RAB3IP: variants seen among roughly 807,000 people sequenced by gnomAD.
The protein encoded by RAB3IP is RAB3A interacting protein, also known as rab-3A-interacting protein.
In RAB3IP, 36 loss-of-function variants were observed where a neutral mutation model predicts 59.1. The ratio of observed to expected loss-of-function variants is 0.61; its 90% CI spans 0.47 to 0.80. The LOEUF (loss-of-function observed/expected upper bound fraction) is 0.80. Ranked by LOEUF, RAB3IP falls within the 30% of genes least tolerant of loss-of-function variation. RAB3IP has a pLI of 0.00. For missense variants in RAB3IP, 511 were observed against 536.0 expected, an observed-to-expected ratio of 0.95 and a Z score of 0.46; for synonymous variants, 207 against 191.2, an observed-to-expected ratio of 1.08 and a Z score of -0.68.
At chr12:69,746,729 G>A (rs534287689) in intron 1 of RAB3IP, among the ~76,000 whole-genome samples, 1 of 152,306 alleles carries the variant, frequency 6.6e-6, no homozygotes, top group South Asian at 2.1e-4. Context: ...GATGGAATTT[G>A]TAACTAATTC....
intron 8 of RAB3IP, among the ~76,000 whole-genome samples, chr12:69,809,871 ATCTTCTGAAGCCTT>A (rs1880129302): frequency 6.6e-6 from 1 of 151,964 alleles, no homozygotes; most frequent in Non-Finnish European, 1.5e-5. Flanking sequence ...AGAGAGTTTG[ATCTTCTGAAGCCTT>A]TCTCTCTCAA....
At chr12:69,784,305 C>T (rs1875255699) in intron 3 of RAB3IP, among the ~76,000 whole-genome samples, 1 of 151,456 alleles carries the variant, frequency 6.6e-6, no homozygotes, top group African/African-American at 2.4e-5. Flanking sequence ...AAGTAAATAG[C>T]TTTTAAAGTA....
Position 69,762,190 on chromosome 12 carries a change from T to G in RAB3IP, c.510+5527T>G, listed in dbSNP as rs572509681. ...AATCATGTGGTCACTTATTTTCAGG[T>G]GCAGGGATGCCAGAGATTATGATGT... On this transcript the variant is annotated intron_variant, in intron 3 of 10. Coordinates refer to ENST00000247833, the MANE Select transcript of RAB3IP (RefSeq NM_022456.5). 9.2e-5 allele frequency among the ~76,000 whole-genome samples: 14 copies of G among 152,316 alleles called. No homozygotes were observed. The South Asian group carries it at 2.9e-3, about 32-fold the overall frequency.
intron 3 of RAB3IP, among the ~76,000 whole-genome samples, chr12:69,760,064 T>C (rs1871045208): frequency 6.6e-6 from 1 of 152,132 alleles, no homozygotes; most frequent in African/African-American, 2.4e-5. Flanking sequence ...GCCGAGATCA[T>C]GCCACTGCAC....
In RAB3IP at chr12:69,797,669, C is replaced by T. The variant is rs182020193; in HGVS notation, c.888+2325C>T. Among the ~76,000 whole-genome samples, 760 of 151,662 alleles carry T rather than the reference C, an allele frequency of 5.0e-3. 13 individuals carry two copies. The highest frequency in any genetic ancestry group is 0.017 in the African/African-American group (722 of 41,294). On this transcript the variant is annotated intron_variant, in intron 6 of 10. Transcript: ENST00000247833. ...GGTATATCTCCCAATGCTATCCCTA[C>T]CCCATCCCCCCACCCCACAACAGTC... is the stretch of plus-strand genomic sequence containing the variant.
At chr12:69,797,484 T>C (rs1179288265) in intron 6 of RAB3IP, among the ~76,000 whole-genome samples, 18 of 148,158 alleles carry the variant, frequency 1.2e-4, no homozygotes, top group Non-Finnish European at 2.2e-4. Context: ...TTTCTTTTTT[T>C]TTTTTTTTTT....
At chr12:69,761,615 T>C (rs1871318140) in intron 3 of RAB3IP, among the ~76,000 whole-genome samples, 1 of 152,314 alleles carries the variant, frequency 6.6e-6, no homozygotes. Flanking sequence ...ACTTCTGAGA[T>C]TCATGAGGAT....
At chr12:69,784,662 C>A in intron 3 of RAB3IP, 58 bp from the exon 4 acceptor site, 1 of 911,576 alleles carries the variant, frequency 1.1e-6, no homozygotes. Context: ...ATTATATAGT[C>A]TGCTGAATCT....
upstream of RAB3IP, chr12:69,738,726 G>C (rs1886915326): frequency 2.0e-5 from 3 of 152,172 alleles, no homozygotes; most frequent in Admixed American, 6.5e-5. Flanking sequence ...TGGCGCCAGG[G>C]GGCGCGGAAG....
chr12:69,785,005 A>G, intron 4 of RAB3IP, 190 bp downstream of exon 4: 1 of 353,504 alleles, frequency 2.8e-6, no homozygotes, highest in South Asian at 5.3e-5. Flanking sequence ...AATAAAAAAC[A>G]TCTATGGGCC....
chr12:69,763,525 C>T (rs1490944267), intron 3 of RAB3IP, among the ~76,000 whole-genome samples: 2 of 152,170 alleles, frequency 1.3e-5, no homozygotes, highest in Admixed American at 1.3e-4. Flanking sequence ...TTGTCTTCAG[C>T]ATCATACAGG....
At chr12:69,754,372 G>GACACAC (rs1555218302) in intron 1 of RAB3IP, among the ~76,000 whole-genome samples, 9 of 125,042 alleles carry the variant, frequency 7.2e-5, no homozygotes, top group Admixed American at 4.1e-4. Context: ...CACACACACT[G>GACACAC]TGTATATGTA....
chr12:69,749,896 G>A (rs568143716), intron 1 of RAB3IP, among the ~76,000 whole-genome samples: 1 of 152,274 alleles, frequency 6.6e-6, no homozygotes, highest in Non-Finnish European at 1.5e-5. Flanking sequence ...CCCAGATCCT[G>A]GCACAGAGTA....
chr12:69,809,330 A>T (rs1880011966), intron 8 of RAB3IP, among the ~76,000 whole-genome samples: 1 of 152,106 alleles, frequency 6.6e-6, no homozygotes, highest in Non-Finnish European at 1.5e-5. Context: ...GCTGCCCTTA[A>T]CATTTTTTCC....
chr12:69,779,884 A>G (rs1482212845), intron 3 of RAB3IP, among the ~76,000 whole-genome samples: 1 of 152,066 alleles, frequency 6.6e-6, no homozygotes, highest in East Asian at 1.9e-4. Flanking sequence ...TAGTTCCCTG[A>G]TTGTTCTGAA....
At chr12:69,804,653 A>G (rs1878953491) in intron 8 of RAB3IP, among the ~76,000 whole-genome samples, 6 of 152,164 alleles carry the variant, frequency 3.9e-5, no homozygotes, top group Admixed American at 3.9e-4. Flanking sequence ...TCTTTAATCC[A>G]TCTTGAATTA....
chr12:69,807,440 G>A (rs12301534), intron 8 of RAB3IP, among the ~76,000 whole-genome samples: 28,246 of 142,770 alleles, frequency 0.2, 2,865 homozygotes, highest in Middle Eastern at 0.31. Flanking sequence ...GGGCGGAGGC[G>A]CTCCTCACAT....
chr12:69,775,072 T>A (rs1391725329), intron 3 of RAB3IP, among the ~76,000 whole-genome samples: 1 of 51,560 alleles, frequency 1.9e-5, no homozygotes, highest in African/African-American at 6.0e-5. Context: ...TTTGTTTGTG[T>A]TCTCTTTTAT....
At chr12:69,781,810 T>C (rs1874770615) in intron 3 of RAB3IP, among the ~76,000 whole-genome samples, 1 of 152,250 alleles carries the variant, frequency 6.6e-6, no homozygotes, top group Non-Finnish European at 1.5e-5. Context: ...TGGGCAGTTA[T>C]GAGTGAATAA....
Sources: allele counts gnomAD v4.1 joint callset (sites outside exome capture counted in the v4.1 genomes callset), GRCh38; gene constraint gnomAD v4.1.1; transcripts MANE v1.5; gene names NCBI Gene and HGNC (gene_info 2026-07-23, HGNC 2026-07-21).